Variants in UGT1A7 observed in about 807,000 individuals in gnomAD.
UGT1A7 encodes UDP-glucuronosyltransferase 1A7.
Under a neutral mutation model 45.6 loss-of-function variants are expected in UGT1A7, and 33 were observed. The observed-to-expected ratio is 0.72, with a 90% CI of 0.55 to 0.97. The LOEUF is 0.97. Ranked by LOEUF, UGT1A7 falls within the 50% of genes least tolerant of loss-of-function variation. UGT1A7 has a pLI of 0.00. For missense variants in UGT1A7, 684 were observed against 666.2 expected, an observed-to-expected ratio of 1.03 and a Z score of -0.29; for synonymous variants, 274 against 250.6, an observed-to-expected ratio of 1.09 and a Z score of -0.88.
chr2:233,726,899 A>G (rs1208700222), intron 1 of UGT1A7, among the ~76,000 whole-genome samples: 1 of 152,092 alleles, frequency 6.6e-6, no homozygotes, highest in Non-Finnish European at 1.5e-5. Context: ...CTTACCATTC[A>G]ATTATCTCCT....
intron 1 of UGT1A7, chr2:233,754,450 G>A (rs1695489030): frequency 5.7e-6 from 2 of 352,214 alleles, no homozygotes; most frequent in Non-Finnish European, 1.1e-5. Context: ...TAAATTCTTG[G>A]GTACAGCTGT....
chr2:233,700,609 T>TG (rs34100835), intron 1 of UGT1A7, among the ~76,000 whole-genome samples: 57 of 152,266 alleles, frequency 3.7e-4, no homozygotes, highest in African/African-American at 1.1e-3. Context: ...ACTCTTTTTT[T>TG]GGGGGGGTTC....
chr2:233,709,696 T>G lies in UGT1A7; in HGVS notation c.855+26904T>G, dbSNP rs554703505. The stretch of plus-strand genomic sequence containing the variant: ...GTCTTTTGGTCAGCTTGGGAAAATT[T>G]TGTTCTTTTTTAATTGAATGATATG... On this transcript the variant is annotated intron_variant, in intron 1 of 4. Coordinates refer to ENST00000373426, the MANE Select transcript of UGT1A7 (RefSeq NM_019077.3). Among the ~76,000 whole-genome samples, 7 of 152,334 alleles carry G rather than the reference T, an allele frequency of 4.6e-5. No individual in the cohort carries two copies. In the East Asian group the frequency reaches 1.3e-3, roughly 29 times the overall value.
At chr2:233,743,412 T>G in intron 1 of UGT1A7, 4 of 1,321,888 alleles carry the variant, frequency 3.0e-6, no homozygotes, top group Non-Finnish European at 3.0e-6. Flanking sequence ...GGCCCCCACT[T>G]CCCAGGGAGC....
rs1449126487 is a variant in UGT1A7, at chr2:233,713,999, G to T, written c.855+31207G>T. The T allele has an allele frequency of 1.2e-5, 18 of 1,554,686 alleles. No homozygotes were observed. In the East Asian group the frequency reaches 2.8e-4, roughly 24 times the overall value. ...TCTCATTGTTGTAATAGTCTTCAGT[G>T]AGATAAACTTTTAAAGGGTCAATGG... On this transcript the variant is annotated intron_variant, in intron 1 of 4. Transcript: ENST00000373426.
intron 1 of UGT1A7, among the ~76,000 whole-genome samples, chr2:233,732,493 G>T (rs141356640): frequency 1.3e-5 from 2 of 152,178 alleles, no homozygotes; most frequent in Admixed American, 6.5e-5. Flanking sequence ...TGTATAAGGC[G>T]TAAGGAAGGG....
chr2:233,756,999 G>C (rs889615552), intron 1 of UGT1A7, among the ~76,000 whole-genome samples: 1 of 151,918 alleles, frequency 6.6e-6, no homozygotes, highest in African/African-American at 2.4e-5. Context: ...AGCTGGCCAA[G>C]GGTAGAGTTC....
At chr2:233,755,071 G>A (rs775333434) in intron 1 of UGT1A7, 133 of 1,336,342 alleles carry the variant, frequency 1.0e-4, no homozygotes, top group Non-Finnish European at 1.3e-4. Context: ...TCGCCATAGC[G>A]GTCATAGATA....
rs189644754 is a variant in UGT1A7 at position 233,743,962 on chromosome 2, C to T, written c.856-23072C>T. 923 of 1,331,616 alleles carry T rather than the reference C, an allele frequency of 6.9e-4. 28 individuals are homozygous for T. The African/African-American group carries it at 0.013, about 18-fold the overall frequency. The allele number at this position is 1,331,616 out of a possible 1,614,324, so 82.5% of individuals were successfully genotyped here. On this transcript the variant is annotated intron_variant, in intron 1 of 4. Coordinates refer to ENST00000373426, the MANE Select transcript of UGT1A7 (RefSeq NM_019077.3). ...CACCAGGCACTGGCACAGCGAGCGG[C>T]AAGGCTGCCAGCACCCAGGCGCAGG...
intron 1 of UGT1A7, chr2:233,690,896 T>A: frequency 1.9e-6 from 2 of 1,035,856 alleles, no homozygotes; most frequent in Non-Finnish European, 2.3e-6. Context: ...AGGGATGGTA[T>A]GCATAGTGAT....
At chr2:233,748,096 T>A in intron 1 of UGT1A7, 1 of 1,612,812 alleles carries the variant, frequency 6.2e-7, no homozygotes, top group Non-Finnish European at 8.5e-7. Flanking sequence ...GTTCGTGCCT[T>A]CATCCAATCA....
chr2:233,768,154 C>T (rs767452412), intron 3 of UGT1A7, 66 bp from the exon 4 acceptor site: 203 of 1,612,642 alleles, frequency 1.3e-4, no homozygotes, highest in Non-Finnish European at 1.7e-4. Flanking sequence ...TTTTCAGAAC[C>T]TAGATGTGTC....
rs1316951869 is a variant in UGT1A7 at position 233,743,957 on chromosome 2, A to G, written c.856-23077A>G. ...CGGCCCACCAGGCACTGGCACAGCG[A>G]GCGGCAAGGCTGCCAGCACCCAGGC... is the stretch of plus-strand genomic sequence containing the variant. On this transcript the variant is annotated intron_variant, in intron 1 of 4. Coordinates refer to ENST00000373426, the MANE Select transcript of UGT1A7 (RefSeq NM_019077.3). 4 of 1,338,466 alleles carry G rather than the reference A, an allele frequency of 3.0e-6. No individual in the cohort carries two copies. The Admixed American group carries it at 8.0e-5, about 27-fold the overall frequency. The allele number at this position is 1,338,466 out of a possible 1,614,324, so 82.9% of individuals were successfully genotyped here.
At chr2:233,684,226 G>A (rs1010844476) in intron 1 of UGT1A7, among the ~76,000 whole-genome samples, 8 of 152,154 alleles carry the variant, frequency 5.3e-5, no homozygotes, top group Admixed American at 4.6e-4. Flanking sequence ...ATGCAACCAA[G>A]CGCTTTCTAA....
intron 1 of UGT1A7, among the ~76,000 whole-genome samples, chr2:233,752,979 T>C (rs993600275): frequency 5.3e-5 from 8 of 152,202 alleles, no homozygotes; most frequent in Non-Finnish European, 1.0e-4. Context: ...ATTGTGTAGA[T>C]ACAAACCCAC....
chr2:233,769,480 CGT>C lies in UGT1A7; in HGVS notation c.1295+1046_1295+1047del. 6.3e-7 allele frequency: 1 copy of C among 1,596,850 alleles called. No individual in the cohort carries two copies. Among genetic ancestry groups the C allele is most frequent in the East Asian group, 2.2e-5 (1 of 44,628 alleles). ...ATTCATATGCGTGTGTGTGTGTGTG[CGT>C]GTGTTTATGAGAGTGTCCATTGCTT... On this transcript the variant is annotated intron_variant, in intron 4 of 4. Transcript: ENST00000373426. The surrounding 1 kb of genome is among the most constrained non-coding windows in gnomAD (Gnocchi z 4.4).
chr2:233,693,708 C>G, intron 1 of UGT1A7: 1 of 1,614,214 alleles, frequency 6.2e-7, no homozygotes, highest in East Asian at 2.2e-5. Flanking sequence ...CTCGCATCAG[C>G]TGTCCTCAAG....
chr2:233,739,772 T>C (rs1691199757), intron 1 of UGT1A7, among the ~76,000 whole-genome samples: 1 of 152,174 alleles, frequency 6.6e-6, no homozygotes, highest in South Asian at 2.1e-4. Context: ...AGTGCTGAAA[T>C]GAGTTAAGAC....
At chr2:233,748,671 T>A (rs1418795120) in intron 1 of UGT1A7, among the ~76,000 whole-genome samples, 1 of 151,594 alleles carries the variant, frequency 6.6e-6, no homozygotes, top group Non-Finnish European at 1.5e-5. Flanking sequence ...CAGAGAGGGA[T>A]CTGTGCTGAC....
Sources: allele counts gnomAD v4.1 joint callset (sites outside exome capture counted in the v4.1 genomes callset), GRCh38; gene constraint gnomAD v4.1.1; non-coding constraint Gnocchi (gnomAD v3.1); transcripts MANE v1.5; gene names NCBI Gene and HGNC (gene_info 2026-07-23, HGNC 2026-07-21).